ZNF692: variants seen among roughly 807,000 people sequenced by gnomAD.
The protein encoded by ZNF692 is AICAR responsive element binding protein.
Under a neutral mutation model 49.0 loss-of-function variants are expected in ZNF692, and 41 were observed. The ratio of observed to expected loss-of-function variants is 0.84; its 90% CI spans 0.65 to 1.08. ZNF692 has a LOEUF of 1.08. Among genes scored for constraint, ZNF692 ranks in the 50% least tolerant of loss-of-function variants. ZNF692 has a pLI of 0.00. For missense variants in ZNF692, 662 were observed against 662.2 expected, an observed-to-expected ratio of 1.00 and a Z score of 0.00; for synonymous variants, 288 against 251.5, an observed-to-expected ratio of 1.15 and a Z score of -1.37.
chr1:248,850,543 G>A, intron 11 of ZNF692, 27 bp from the exon 12 acceptor site: 3 of 1,594,150 alleles, frequency 1.9e-6, no homozygotes, highest in Non-Finnish European at 1.7e-6. Context: ...AAGAGGGAAG[G>A]AACAAGGCCT....
At position 248,855,617 on chromosome 1, in the gene ZNF692, CTG is replaced by C. The variant is rs756613607; in HGVS notation, c.898_899del (p.Gln300ValfsTer9). Reference protein sequence around the residue: ...EALASTGSQAQSAPTPAWDED... With the variant: ...EALASTGSQAXSAPTPAWDED... ...CATCCCAGGCCGGGGTTGGAGCAGA[CTG>C]GGCCTGACTCCCAGTGCTACGGGCA... On this transcript the variant is annotated frameshift_variant, in exon 8 of 12. Coordinates refer to ENST00000306601, the MANE Select transcript of ZNF692 (RefSeq NM_017865.4). LOFTEE classifies it high-confidence loss of function. 6.2e-7 allele frequency: 1 copy of C among 1,614,234 alleles called. No homozygotes were observed. The highest frequency in any genetic ancestry group is 8.5e-7 in the Non-Finnish European group (1 of 1,180,034).
chr1:248,857,845 C>G lies in ZNF692; in HGVS notation c.194G>C (p.Gly65Ala), dbSNP rs549507374. 18 of 1,613,996 alleles carry G rather than the reference C, an allele frequency of 1.1e-5. No homozygotes were observed. In the South Asian group the frequency reaches 1.9e-4, roughly 17 times the overall value. ...CTACCTACCTGCACAGAGGACACAG[C>G]CTGAAGAAGTGTACCTGCCAGCAGG... is the stretch of plus-strand genomic sequence containing the variant. ...KFLLDRYTSS[G>A]CVLCAGPEPL... is the part of the protein sequence containing the mutation. The change falls in exon 3 of 12, where the codon GGC (glycine) becomes GCC (alanine). Residue 65 changes from glycine to alanine, a missense_variant. Transcript: ENST00000306601.
chr1:248,858,218 A>T lies in ZNF692; in HGVS notation c.92T>A (p.Leu31Gln), dbSNP rs1660475276. 1.3e-6 allele frequency: 2 copies of T among 1,592,814 alleles called. No individual in the cohort carries two copies. The highest frequency in any genetic ancestry group is 1.7e-6 in the Non-Finnish European group (2 of 1,170,564). ...GCACCACTGCTCCATGTGGCCGCCC[A>T]GGCGGATGCGGCACTTGCTGCGGCG... The part of the protein sequence containing the change: ...DARRSKCRIR[L>Q]GGHMEQWCLL... Residue 31 changes from leucine to glutamine, a missense_variant, in exon 2 of 12, where the codon CTG becomes CAG. Physicochemically the swap from Leu to Gln is moderately radical, Grantham distance 113. Coordinates refer to ENST00000306601, the MANE Select transcript of ZNF692 (RefSeq NM_017865.4). This position sits in a 1 kb window ranked among gnomAD's most constrained non-coding sequence, Gnocchi z 4.3.
Position 248,855,464 on chromosome 1 carries a change from G to A in ZNF692, c.960-6C>T. 1 of 1,614,072 alleles carries A rather than the reference G, an allele frequency of 6.2e-7. No homozygotes were observed. On this transcript the variant is annotated splice_region_variant and splice_polypyrimidine_tract_variant and intron_variant, in intron 8 of 11. Coordinates refer to ENST00000306601, the MANE Select transcript of ZNF692 (RefSeq NM_017865.4). ...GCTCTCTTTTGGCAGCTTTCCTGAG[G>A]AGAAGAATGGAAAGGAGCAGCATGA...
chr1:248,858,242 C>G lies in ZNF692; in HGVS notation c.68G>C (p.Arg23Pro). 1 of 1,586,982 alleles carries G rather than the reference C, an allele frequency of 6.3e-7. No individual in the cohort carries two copies. Among genetic ancestry groups the G allele is most frequent in the Non-Finnish European group, 8.6e-7 (1 of 1,166,820 alleles). The stretch of plus-strand genomic sequence containing the variant: ...CAGGCGGATGCGGCACTTGCTGCGG[C>G]GCGCGTCCAGCTGCCGCCGCTTCTC... Reference protein sequence around the residue: ...RREKRRQLDARRSKCRIRLGG... With the variant: ...RREKRRQLDAPRSKCRIRLGG... The change falls in exon 2 of 12, where the codon CGC becomes CCC. Residue 23 changes from arginine to proline, a missense_variant. Transcript: ENST00000306601. The surrounding 1 kb of genome is among the most constrained non-coding windows in gnomAD (Gnocchi z 4.3).
chr1:248,855,919 C>A lies in ZNF692; in HGVS notation c.687G>T (p.Leu229=), dbSNP rs1245254326. ...DDSEPDAPRL[L]PSPVTCTPKE... The stretch of plus-strand genomic sequence containing the variant: ...TAGGTGTGCAGGTGACAGGGGAAGG[C>A]AGTAGTCTGGGGGCATCAGGCTCAC... Residue 229 remains leucine, a synonymous_variant, in exon 7 of 12, where the codon CTG becomes CTT. Coordinates refer to ENST00000306601, the MANE Select transcript of ZNF692 (RefSeq NM_017865.4). 6.2e-7 allele frequency: 1 copy of A among 1,613,918 alleles called. No homozygotes were observed. Among genetic ancestry groups the A allele is most frequent in the Non-Finnish European group, 8.5e-7 (1 of 1,180,030 alleles).
intron 9 of ZNF692, among the ~76,000 whole-genome samples, chr1:248,855,134 C>G (rs1394597104): frequency 6.6e-6 from 1 of 152,188 alleles, no homozygotes; most frequent in Non-Finnish European, 1.5e-5. Flanking sequence ...GCTCAGAACC[C>G]TAGCACTAAC....
rs752477387 is a variant in ZNF692 at position 248,855,751 on chromosome 1, C to T, written c.855G>A (p.Ala285=). The change falls in exon 7 of 12, where the codon GCG becomes GCA. Residue 285 remains alanine (A), a synonymous_variant. Coordinates refer to ENST00000306601, the MANE Select transcript of ZNF692 (RefSeq NM_017865.4). ...TGGCCAGGGCCTCAGTCTGCTGGGC[C>T]GCTTGAGGGGTCCTGCTGAGCTGTG... ...VQPQLSRTPQ[A]AQQTEALAST... The T allele has an allele frequency of 4.3e-6, 7 of 1,614,092 alleles. No individual in the cohort carries two copies. The highest frequency in any genetic ancestry group is 5.9e-6 in the Non-Finnish European group (7 of 1,180,050).
chr1:248,854,224 C>T (rs1442826041), intron 9 of ZNF692, 173 bp from the exon 10 acceptor site: 2 of 590,120 alleles, frequency 3.4e-6, no homozygotes, highest in African/African-American at 1.9e-5. Context: ...TCAGTCCTCA[C>T]CTACACCATG....
chr1:248,850,328 G>A lies in ZNF692; in HGVS notation c.1442C>T (p.Ser481Leu), dbSNP rs760028138. 2.5e-6 allele frequency: 4 copies of A among 1,613,960 alleles called. No individual in the cohort carries two copies. In the South Asian group the frequency reaches 3.3e-5, roughly 13 times the overall value. The change falls in exon 12 of 12, where the codon TCA (serine) becomes TTA (leucine). Residue 481 changes from serine (S) to leucine (L), a missense_variant. Ser to Leu is a moderately radical substitution (Grantham distance 145). Transcript: ENST00000306601. ...HPALLLAPQE[S>L]PSGPLEPCPS... is the part of the protein sequence containing the mutation. Reference sequence around the variant, plus strand: ...ACAGGGCTCTAGGGGACCACTGGGTGACTCTTGAGGGGCTAGAAGCAGGGC... The same window carrying A: ...ACAGGGCTCTAGGGGACCACTGGGTAACTCTTGAGGGGCTAGAAGCAGGGC...
Position 248,850,135 on chromosome 1 carries a change from C to T in ZNF692, c.*75G>A, listed in dbSNP as rs41285002. ...TGGGGACCAAGCATCTGGCATTTCT[C>T]AAGCAGACCCTCTCCTTGTTGCTCC... On this transcript the variant is annotated 3_prime_UTR_variant, in exon 12 of 12. Coordinates refer to ENST00000306601, the MANE Select transcript of ZNF692 (RefSeq NM_017865.4). 1.8e-5 allele frequency: 26 copies of T among 1,483,270 alleles called. No individual in the cohort carries two copies. Among genetic ancestry groups the T allele is most frequent in the Non-Finnish European group, 2.2e-5 (25 of 1,111,136 alleles). 91.9% of individuals were successfully genotyped at this position (1,483,270 alleles called of 1,614,324 possible).
At position 248,858,510 on chromosome 1, in the gene ZNF692, A is replaced by G. The variant is rs1179998731; in HGVS notation, c.-12-189T>C. On this transcript the variant is annotated intron_variant, in intron 1 of 11. Transcript: ENST00000306601. This position sits in a 1 kb window ranked among gnomAD's most constrained non-coding sequence, Gnocchi z 4.3. ...ATACAGGGTGTTGAAGCTCAGCGCT[A>G]CCATGTGAGTGTCGTCGGGTGGGAG... 1.9e-6 allele frequency: 3 copies of G among 1,551,708 alleles called. No homozygotes were observed. Among genetic ancestry groups the G allele is most frequent in the Non-Finnish European group, 2.6e-6 (3 of 1,146,986 alleles).
chr1:248,853,456 G>A (rs1659845276), intron 10 of ZNF692, among the ~76,000 whole-genome samples: 1 of 152,152 alleles, frequency 6.6e-6, no homozygotes, highest in Admixed American at 6.5e-5. Flanking sequence ...TCCTTTCTCA[G>A]CTCCTGGCCT....
At chr1:248,854,644 T>C (rs1333409785) in intron 9 of ZNF692, 1 of 150,124 alleles carries the variant, frequency 6.7e-6, no homozygotes, top group East Asian at 2.0e-4. Flanking sequence ...TATTTCTCTT[T>C]TCACTGACCT....
intron 9 of ZNF692, 69 bp from the exon 10 acceptor site, chr1:248,854,120 CT>C: frequency 8.3e-7 from 1 of 1,198,282 alleles, no homozygotes; most frequent in Non-Finnish European, 1.2e-6. Context: ...GAGAGATGAA[CT>C]GAGCTGACCC....
chr1:248,856,486 G>T (rs201435807), intron 5 of ZNF692, 28 bp downstream of exon 5: 1 of 1,614,162 alleles, frequency 6.2e-7, no homozygotes, highest in South Asian at 1.1e-5. Context: ...ATGCAATTCC[G>T]CCTTTTCTCT....
At chr1:248,853,406 G>A (rs1437004480) in intron 10 of ZNF692, among the ~76,000 whole-genome samples, 1 of 152,170 alleles carries the variant, frequency 6.6e-6, no homozygotes, top group African/African-American at 2.4e-5. Context: ...ACTGTCCTGT[G>A]GATGGTCTCA....
rs780457451 is a variant in ZNF692, at chr1:248,855,866, G to A, written c.740C>T (p.Ala247Val). The change falls in exon 7 of 12, where the codon GCA becomes GTA. Residue 247 changes from alanine to valine, a missense_variant. Transcript: ENST00000306601. ...CACAGCAAGAGGACTGGAGAGTGCT[G>A]CAGGGGCTGGTGGTGTCTCCCCCTC... ...PKEGETPPAP[A>V]ALSSPLAVPA... The A allele has an allele frequency of 6.2e-7, 1 of 1,614,238 alleles. No individual in the cohort carries two copies. The highest frequency in any genetic ancestry group is 2.2e-5 in the East Asian group (1 of 44,888).
In ZNF692 at chr1:248,854,017, G is replaced by T; in HGVS notation, c.1073C>A (p.Ser358Tyr). The change falls in exon 10 of 12, where the codon TCT becomes TAT. Residue 358 changes from serine to tyrosine, a missense_variant. Ser to Tyr is a moderately radical substitution (Grantham distance 144). Transcript: ENST00000306601. ...HKKYQHIHQK[S>Y]FSCPEPACGK... ...ACAGGCTGGCTCTGGGCAGGAGAAA[G>T]ACTTCTGGTGGATGTGCTGGTACTT... 6.2e-7 allele frequency: 1 copy of T among 1,614,210 alleles called. No individual in the cohort carries two copies. The highest frequency in any genetic ancestry group is 1.1e-5 in the South Asian group (1 of 91,084).
Sources: gnomAD v4.1 joint callset for allele counts (sites outside exome capture counted in the v4.1 genomes callset) on GRCh38, gnomAD v4.1.1 for gene constraint, Gnocchi (gnomAD v3.1) non-coding constraint, MANE v1.5 for transcripts, NCBI Gene and HGNC (gene_info 2026-07-23, HGNC 2026-07-21) for gene names.